SCAF8: variants seen among roughly 807,000 people sequenced by gnomAD.
SCAF8 encodes SR-related and CTD-associated factor 8.
In SCAF8, 23 loss-of-function variants were observed where a neutral mutation model predicts 140.5. That is an observed-to-expected ratio of 0.16 (90% CI 0.12 to 0.23). SCAF8 has a LOEUF of 0.23. SCAF8 is among the 10% of genes least tolerant of loss of function. The probability of loss-of-function intolerance (pLI) is 1.00; values close to 1 mark genes in which losing one functional copy is unlikely to be tolerated. For missense variants in SCAF8, 1,397 were observed against 1,555.7 expected (o/e 0.90, Z 1.72); for synonymous variants, 575 against 528.9 (o/e 1.09, Z -1.20).
intron 16 of SCAF8, among the ~76,000 whole-genome samples, chr6:154,823,923 G>A (rs536910494): frequency 6.6e-6 from 1 of 152,278 alleles, no homozygotes; most frequent in South Asian, 2.1e-4. Flanking sequence ...TGCATAACAG[G>A]TATTACTGAG....
chr6:154,745,161 T>C (rs771948358), intron 1 of SCAF8, among the ~76,000 whole-genome samples: 5 of 152,160 alleles, frequency 3.3e-5, no homozygotes, highest in Non-Finnish European at 7.4e-5. Context: ...TTACTCCTCT[T>C]CTCTTGTATG....
In SCAF8 at chr6:154,833,194, A is replaced by T. The variant is rs780621621; in HGVS notation, c.3615A>T (p.Gln1205His). The T allele has an allele frequency of 6.2e-7, 1 of 1,613,970 alleles. No homozygotes were observed. Among genetic ancestry groups the T allele is most frequent in the African/African-American group, 1.3e-5 (1 of 74,938 alleles). The change falls in exon 20 of 20, where the codon CAA (glutamine) becomes CAT (histidine). Residue 1205 changes from glutamine to histidine, a missense_variant. Physicochemically the swap from Gln to His is conservative, Grantham distance 24. This residue lies in a region of SCAF8 where 930 missense variants were observed against 874.6 expected (regional missense o/e 1.06). Transcript: ENST00000367178. ...VFDYFEGATS[Q>H]RKGDNVPQVN... ...ATTATTTTGAAGGGGCCACTTCTCAACGAAAAGGTGATAATGTGCCTCAGG... is the reference window on the plus strand; with the variant it reads ...ATTATTTTGAAGGGGCCACTTCTCATCGAAAAGGTGATAATGTGCCTCAGG...
intron 6 of SCAF8, among the ~76,000 whole-genome samples, chr6:154,800,060 A>G (rs1249607319): frequency 2.0e-5 from 3 of 151,384 alleles, no homozygotes; most frequent in Non-Finnish European, 4.4e-5. Context: ...TACTGGGATT[A>G]TAGACATGAG....
intron 3 of SCAF8, among the ~76,000 whole-genome samples, chr6:154,779,145 G>C (rs1194922224): frequency 6.6e-6 from 1 of 152,022 alleles, no homozygotes; most frequent in East Asian, 1.9e-4. Flanking sequence ...CTATTCTCTT[G>C]CCTCAGCCTC....
At chr6:154,775,359 C>G (rs989760386) in intron 2 of SCAF8, among the ~76,000 whole-genome samples, 2 of 152,124 alleles carry the variant, frequency 1.3e-5, no homozygotes, top group African/African-American at 4.8e-5. Context: ...TTGTACTTTA[C>G]TCTGCATTAT....
At chr6:154,760,581 CTA>C (rs1182952073) in intron 1 of SCAF8, among the ~76,000 whole-genome samples, 1 of 152,088 alleles carries the variant, frequency 6.6e-6, no homozygotes, top group Non-Finnish European at 1.5e-5. Flanking sequence ...CTAACTGTGT[CTA>C]TTAGTTTAGT....
intron 1 of SCAF8, among the ~76,000 whole-genome samples, chr6:154,758,942 A>G (rs1779031993): frequency 6.6e-6 from 1 of 152,122 alleles, no homozygotes; most frequent in Non-Finnish European, 1.5e-5. Flanking sequence ...TCCCACTAGT[A>G]TTGGCTACAC....
intron 1 of SCAF8, among the ~76,000 whole-genome samples, chr6:154,744,078 A>G (rs1238355159): frequency 6.6e-6 from 1 of 152,202 alleles, no homozygotes; most frequent in Non-Finnish European, 1.5e-5. Context: ...GTGGATCACG[A>G]GGTCAGGAGT....
intron 4 of SCAF8, among the ~76,000 whole-genome samples, chr6:154,788,876 A>G (rs1777329342): frequency 6.6e-6 from 1 of 152,126 alleles, no homozygotes; most frequent in Admixed American, 6.6e-5. Flanking sequence ...GATGTTGGAA[A>G]TTTAGGTGTG....
In SCAF8 at chr6:154,747,815, G is replaced by GC. The variant is rs535408430; in HGVS notation, c.30+13886dup. Among the ~76,000 whole-genome samples the GC allele has an allele frequency of 3.4e-4, 52 of 151,340 alleles. No individual in the cohort carries two copies. In the South Asian group the frequency reaches 0.011, roughly 31 times the overall value. On this transcript the variant is annotated intron_variant, in intron 1 of 19. Transcript: ENST00000367178. The stretch of plus-strand genomic sequence containing the variant: ...TGACCACGTGCAGATACTATTTTAG[G>GC]CACTAGGATTCAACAGTACAAAACA...
At chr6:154,751,141 T>C (rs1473465011) in intron 1 of SCAF8, among the ~76,000 whole-genome samples, 1 of 152,252 alleles carries the variant, frequency 6.6e-6, no homozygotes, top group Non-Finnish European at 1.5e-5. Flanking sequence ...AAACATGTTA[T>C]GCATTTGTAG....
intron 1 of SCAF8, among the ~76,000 whole-genome samples, chr6:154,739,073 A>G (rs999762714): frequency 2.0e-5 from 3 of 151,872 alleles, no homozygotes; most frequent in African/African-American, 7.3e-5. Flanking sequence ...GTAACCTCGA[A>G]CTCCTGGGCT....
At chr6:154,768,279 C>T (rs952185064) in intron 1 of SCAF8, among the ~76,000 whole-genome samples, 4 of 152,124 alleles carry the variant, frequency 2.6e-5, no homozygotes, top group Admixed American at 1.3e-4. Flanking sequence ...CTTGAGAGCA[C>T]CTTCAGCATC....
intron 18 of SCAF8, among the ~76,000 whole-genome samples, chr6:154,829,796 A>C (rs759863882): frequency 6.6e-6 from 1 of 152,104 alleles, no homozygotes; most frequent in Non-Finnish European, 1.5e-5. Flanking sequence ...AATCCCAGCT[A>C]CTCAGGAGGC....
intron 11 of SCAF8, among the ~76,000 whole-genome samples, chr6:154,809,198 C>T (rs145183359): frequency 4.6e-5 from 7 of 152,132 alleles, no homozygotes; most frequent in African/African-American, 1.7e-4. Context: ...TTTTTATAAA[C>T]ATTAACTGTA....
intron 6 of SCAF8, among the ~76,000 whole-genome samples, chr6:154,799,227 G>A (rs980059168): frequency 2.0e-5 from 3 of 150,702 alleles, no homozygotes; most frequent in Non-Finnish European, 4.4e-5. Context: ...ATCCCCCCAC[G>A]TCAGCCTCCC....
intron 3 of SCAF8, among the ~76,000 whole-genome samples, chr6:154,781,887 A>G (rs1777096184): frequency 6.6e-6 from 1 of 152,192 alleles, no homozygotes. Flanking sequence ...CTCTTCATAT[A>G]CCATAAATTG....
At chr6:154,745,749 C>A (rs1778682526) in intron 1 of SCAF8, among the ~76,000 whole-genome samples, 1 of 152,168 alleles carries the variant, frequency 6.6e-6, no homozygotes, top group Non-Finnish European at 1.5e-5. Context: ...TGAATCAGAA[C>A]TAATGGTGAT....
intron 18 of SCAF8, among the ~76,000 whole-genome samples, chr6:154,829,046 A>G (rs1194074644): frequency 1.3e-5 from 2 of 152,130 alleles, no homozygotes; most frequent in Non-Finnish European, 2.9e-5. Flanking sequence ...ATGTGCAGGT[A>G]TCTATAAATA....
Sources: gnomAD v4.1 joint callset for allele counts (sites outside exome capture counted in the v4.1 genomes callset) on GRCh38, gnomAD v4.1.1 for gene constraint, gnomAD v4.1.1 regional missense constraint, MANE v1.5 for transcripts, NCBI Gene and HGNC (gene_info 2026-07-23, HGNC 2026-07-21) for gene names.